The following METTL22 variants were observed in gnomAD, a reference collection of about 807,000 sequenced individuals.
The protein encoded by METTL22 is methyltransferase-like protein 22.
A neutral mutation model predicts 48.4 loss-of-function variants in METTL22; 51 were observed. The ratio of observed to expected loss-of-function variants is 1.05; its 90% CI spans 0.84 to 1.33. The LOEUF (loss-of-function observed/expected upper bound fraction) is 1.33. METTL22 is among the 40% of genes most tolerant of loss of function. The pLI, the probability that METTL22 is intolerant of heterozygous loss-of-function variation, is 0.00. For synonymous variants in METTL22, 255 were observed against 214.1 expected, an observed-to-expected ratio of 1.19 and a Z score of -1.67; for missense variants, 678 against 526.9, an observed-to-expected ratio of 1.29 and a Z score of -2.81.
chr16:8,658,142 G>C, the METTL22 span, among the ~76,000 whole-genome samples: 9 of 152,274 alleles, frequency 5.9e-5, no homozygotes, highest in East Asian at 1.5e-3. Context: ...AGAGAAAGGA[G>C]AGGGAGATTT....
intron 5 of METTL22, among the ~76,000 whole-genome samples, chr16:8,636,172 G>A (rs2141752631): frequency 6.6e-6 from 1 of 152,090 alleles, no homozygotes; most frequent in Admixed American, 6.5e-5. Flanking sequence ...GTATGTCCAT[G>A]TTTACCCGTT....
At position 8,625,701 on chromosome 16, in the gene METTL22, G is replaced by C; in HGVS notation, c.36G>C (p.Glu12Asp). Reference protein sequence around the residue: ...VQLAPAAAMDEVTFRSDTVLS... With the variant: ...VQLAPAAAMDDVTFRSDTVLS... The stretch of plus-strand genomic sequence containing the variant: ...TGGCTCCTGCGGCAGCCATGGACGA[G>C]GTCACCTTTAGGAGCGACACTGTGC... Residue 12 changes from glutamate (E) to aspartate (D), a missense_variant, in exon 2 of 11, where the codon GAG becomes GAC. By Grantham distance (45) the Glu-to-Asp change is conservative. Transcript: ENST00000381920. 1 of 1,614,144 alleles carries C rather than the reference G, an allele frequency of 6.2e-7. No individual in the cohort carries two copies. The highest frequency in any genetic ancestry group is 8.5e-7 in the Non-Finnish European group (1 of 1,180,030).
intron 3 of METTL22, among the ~76,000 whole-genome samples, chr16:8,632,390 G>C (rs897960908): frequency 1.3e-5 from 2 of 152,020 alleles, no homozygotes; most frequent in Admixed American, 6.5e-5. Flanking sequence ...GAAAAATATG[G>C]GTCTCACTTT....
chr16:8,652,034 A>G (rs893483744), downstream of METTL22, among the ~76,000 whole-genome samples: 1 of 152,180 alleles, frequency 6.6e-6, no homozygotes, highest in Non-Finnish European at 1.5e-5. Context: ...TAAAACAAGC[A>G]AAAAAGAAAA....
At chr16:8,641,073 C>G (rs2056600277) in intron 6 of METTL22, 58 bp from the exon 7 acceptor site, 2 of 1,537,314 alleles carry the variant, frequency 1.3e-6, no homozygotes, top group East Asian at 4.5e-5. Flanking sequence ...AAAAGTTTAT[C>G]TTTTTTTCCT....
rs2056731312 is a variant in METTL22, at chr16:8,644,698, C to T, written c.1152C>T (p.Leu384=). Residue 384 remains leucine, a synonymous_variant, in exon 10 of 11, where the codon CTC becomes CTT. Transcript: ENST00000381920. Reference sequence around the variant, plus strand: ...CCGTGGAGGCCTCCTTCCCACAGCTCCTGGTTTACGAGCGCCTCCAGCAAC... The same window carrying T: ...CCGTGGAGGCCTCCTTCCCACAGCTTCTGGTTTACGAGCGCCTCCAGCAAC... ...VEPVEASFPQ[L]LVYERLQQLE... The T allele has an allele frequency of 6.3e-6, 10 of 1,599,722 alleles. No individual in the cohort carries two copies. The East Asian group carries it at 1.8e-4, about 29-fold the overall frequency.
At chr16:8,641,051 CAT>C in intron 6 of METTL22, 78 bp from the exon 7 acceptor site, 2 of 1,341,398 alleles carry the variant, frequency 1.5e-6, no homozygotes, top group South Asian at 2.4e-5. Flanking sequence ...GATGGATCTT[CAT>C]ATATAGTGTA....
rs748642296 is a variant in METTL22 at position 8,625,770 on chromosome 16, G to A, written c.105G>A (p.Met35Ile). 1 of 1,614,162 alleles carries A rather than the reference G, an allele frequency of 6.2e-7. No homozygotes were observed. The highest frequency in any genetic ancestry group is 1.1e-5 in the South Asian group (1 of 91,086). ...HLYTPNHRHL[M>I]VRLNSVGQPV... is the part of the protein sequence containing the mutation. The stretch of plus-strand genomic sequence containing the variant: ...ATACCCCGAACCATAGACATCTCAT[G>A]GTACGGCTGAACAGCGTGGGGCAGC... Residue 35 changes from methionine (M) to isoleucine (I), a missense_variant, in exon 2 of 11, where the codon ATG (methionine) becomes ATA (isoleucine). By Grantham distance (10) the Met-to-Ile change is conservative. Coordinates refer to ENST00000381920, the MANE Select transcript of METTL22 (RefSeq NM_024109.4).
rs924479455 is a variant in METTL22, at chr16:8,649,438, A to G, written c.*3295A>G. 1 of 152,128 alleles carries G rather than the reference A, an allele frequency of 6.6e-6. No individual in the cohort carries two copies. Among genetic ancestry groups the G allele is most frequent in the Non-Finnish European group, 1.5e-5 (1 of 68,034 alleles). 9.4% of individuals were successfully genotyped at this position (152,128 alleles called of 1,614,324 possible). ...ATTTTTTTATAACATTTTCAGAAAA[A>G]TATGTGACCCAAGGAGGGGACTTGG... On this transcript the variant is annotated 3_prime_UTR_variant, in exon 11 of 11. Coordinates refer to ENST00000381920, the MANE Select transcript of METTL22 (RefSeq NM_024109.4).
chr16:8,628,561 G>A (rs184268030), intron 2 of METTL22, among the ~76,000 whole-genome samples, 169 bp from the exon 3 acceptor site: 10 of 152,192 alleles, frequency 6.6e-5, no homozygotes, highest in African/African-American at 2.4e-4. Context: ...CTCCTGGCTG[G>A]TGGTGGTCAC....
chr16:8,644,459 A>G, intron 9 of METTL22, 98 bp from the exon 10 acceptor site: 1 of 1,223,044 alleles, frequency 8.2e-7, no homozygotes, highest in Non-Finnish European at 1.1e-6. Flanking sequence ...TCCAGGGGAT[A>G]TGAGATCAGT....
Position 8,629,130 on chromosome 16 carries a change from G to C in METTL22, c.514+20G>C, listed in dbSNP as rs1365105965. On this transcript the variant is annotated intron_variant, in intron 3 of 10. Transcript: ENST00000381920. ...GAATAGGTAAATAGAGGTGTGATGT[G>C]GCCCACCTGTCACCAAGGCAACTCC... 1 of 1,600,790 alleles carries C rather than the reference G, an allele frequency of 6.2e-7. No individual in the cohort carries two copies. Among genetic ancestry groups the C allele is most frequent in the South Asian group, 1.1e-5 (1 of 90,288 alleles).
chr16:8,624,491 C>T (rs951360211), intron 1 of METTL22, among the ~76,000 whole-genome samples: 5 of 152,050 alleles, frequency 3.3e-5, no homozygotes, highest in East Asian at 1.9e-4. Context: ...GCGATCCTCC[C>T]ACCTCAGCCT....
In METTL22 at chr16:8,635,193, C is replaced by G. The variant is rs775177695; in HGVS notation, c.581C>G (p.Ala194Gly). The stretch of plus-strand genomic sequence containing the variant: ...GTGTGGCGGGGCGCCCTGCTCCTGG[C>G]AGACTACATCCTGTTCCGACAGGAC... The part of the protein sequence containing the change: ...KQVWRGALLL[A>G]DYILFRQDLF... Residue 194 changes from alanine to glycine, a missense_variant, in exon 5 of 11, where the codon GCA becomes GGA. Coordinates refer to ENST00000381920, the MANE Select transcript of METTL22 (RefSeq NM_024109.4). 1 of 1,610,506 alleles carries G rather than the reference C, an allele frequency of 6.2e-7. No individual in the cohort carries two copies. Among genetic ancestry groups the G allele is most frequent in the Non-Finnish European group, 8.5e-7 (1 of 1,178,158 alleles).
chr16:8,627,332 G>A lies in METTL22; in HGVS notation c.134-1398G>A, dbSNP rs927380375. On this transcript the variant is annotated intron_variant, in intron 2 of 10. Coordinates refer to ENST00000381920, the MANE Select transcript of METTL22 (RefSeq NM_024109.4). ...ATGTCACTCTCTCTTGCTCTTCTGTGGCCACTCTCAGGTTCTTTCTGTCCC... is the reference window on the plus strand; with the variant it reads ...ATGTCACTCTCTCTTGCTCTTCTGTAGCCACTCTCAGGTTCTTTCTGTCCC... Among the ~76,000 whole-genome samples, 7 of 151,902 alleles carry A rather than the reference G, an allele frequency of 4.6e-5. No individual in the cohort carries two copies. The South Asian group carries it at 1.5e-3, about 32-fold the overall frequency.
At chr16:8,631,440 A>G (rs943224869) in intron 3 of METTL22, 2 of 152,214 alleles carry the variant, frequency 1.3e-5, no homozygotes, top group African/African-American at 4.8e-5. Flanking sequence ...GAATCGGGCA[A>G]GTCGCTTAGC....
rs561063316 is a variant in METTL22, at chr16:8,647,854, A to G, written c.*1711A>G. ...AAGTGATCCCTATTTTGCACATGAG[A>G]AATCCAAAATTCAGAGAGGTTCAGC... On this transcript the variant is annotated 3_prime_UTR_variant, in exon 11 of 11. Coordinates refer to ENST00000381920, the MANE Select transcript of METTL22 (RefSeq NM_024109.4). The G allele has an allele frequency of 1.3e-5, 2 of 152,372 alleles. No individual in the cohort carries two copies. Among genetic ancestry groups the G allele is most frequent in the African/African-American group, 4.8e-5 (2 of 41,586 alleles). 9.4% of individuals were successfully genotyped at this position (152,372 alleles called of 1,614,324 possible).
chr16:8,641,220 C>T (rs200811815), intron 7 of METTL22, 36 bp downstream of exon 7: 4 of 1,608,506 alleles, frequency 2.5e-6, no homozygotes, highest in African/African-American at 2.7e-5. Flanking sequence ...CAGTATGATT[C>T]AGTGATTCCT....
intron 10 of METTL22, chr16:8,645,021 A>G: frequency 4.3e-6 from 1 of 235,140 alleles, no homozygotes; most frequent in Non-Finnish European, 8.2e-6. Flanking sequence ...ACCGAGGCAG[A>G]GGTTGTTTGG....
Sources: allele counts gnomAD v4.1 joint callset (sites outside exome capture counted in the v4.1 genomes callset), GRCh38; gene constraint gnomAD v4.1.1; transcripts MANE v1.5; gene names NCBI Gene and HGNC (gene_info 2026-07-23, HGNC 2026-07-21).